Variants in CDH18 observed in about 807,000 individuals in gnomAD.
CDH18 encodes cadherin 18.
Under a neutral mutation model 67.9 loss-of-function variants are expected in CDH18, and 31 were observed. That is an observed-to-expected ratio of 0.46 (90% CI 0.34 to 0.62). CDH18 has a LOEUF of 0.62. Ranked by LOEUF, CDH18 falls within the 20% of genes least tolerant of loss-of-function variation. The pLI is 0.01. For synonymous variants in CDH18, 362 were observed against 347.2 expected, an observed-to-expected ratio of 1.04 and a Z score of -0.48; for missense variants, 890 against 975.5, an observed-to-expected ratio of 0.91 and a Z score of 1.17.
intron 2 of CDH18, among the ~76,000 whole-genome samples, chr5:19,959,587 T>C (rs1316226836): frequency 6.6e-6 from 1 of 152,122 alleles, no homozygotes; most frequent in Non-Finnish European, 1.5e-5. Flanking sequence ...ATAATTTAGA[T>C]TATCTCTAAT....
At chr5:19,768,876 T>A (rs543521924) in intron 3 of CDH18, among the ~76,000 whole-genome samples, 64 of 151,954 alleles carry the variant, frequency 4.2e-4, no homozygotes, top group Non-Finnish European at 8.2e-4. Flanking sequence ...ATAAACATTA[T>A]AAGACACAAC....
chr5:19,723,079 AT>A (rs916729167), intron 4 of CDH18, among the ~76,000 whole-genome samples: 4 of 151,202 alleles, frequency 2.6e-5, no homozygotes, highest in African/African-American at 7.3e-5. Flanking sequence ...CACACACAAA[AT>A]TTTTTTTTGG....
chr5:19,955,572 A>C (rs146066037), intron 2 of CDH18, among the ~76,000 whole-genome samples: 68 of 152,260 alleles, frequency 4.5e-4, no homozygotes, highest in African/African-American at 1.5e-3. Context: ...TGCTGCTCCT[A>C]GTTTTAACTA....
chr5:20,354,952 C>G (rs1741488725), intron 1 of CDH18, among the ~76,000 whole-genome samples: 1 of 152,156 alleles, frequency 6.6e-6, no homozygotes, highest in South Asian at 2.1e-4. Context: ...AAGACAATAT[C>G]TGACCAGGAC....
In CDH18 at chr5:20,163,619, T is replaced by C. The variant is rs566395712; in HGVS notation, c.-518+91825A>G. Among the ~76,000 whole-genome samples, 4 of 152,366 alleles carry C rather than the reference T, an allele frequency of 2.6e-5. No homozygotes were observed. In the South Asian group the frequency reaches 8.3e-4, roughly 32 times the overall value. On this transcript the variant is annotated intron_variant, in intron 2 of 14. Coordinates refer to the CDH18 transcript ENST00000507958. The stretch of plus-strand genomic sequence containing the variant: ...ACCATCTCTAGTTTCTTATCTTTCA[T>C]GATCTCTCAGCAGCCAATGTGCATT...
chr5:20,493,340 C>T (rs1753699821), intron 1 of CDH18, among the ~76,000 whole-genome samples: 1 of 96,984 alleles, frequency 1.0e-5, no homozygotes, highest in Non-Finnish European at 1.9e-5. Flanking sequence ...CAGGGCAAGA[C>T]TCTGTTTCAG....
chr5:19,652,752 C>G (rs1011503026), intron 5 of CDH18, among the ~76,000 whole-genome samples: 1 of 151,958 alleles, frequency 6.6e-6, no homozygotes, highest in Non-Finnish European at 1.5e-5. Context: ...ATTGCAGAAC[C>G]CTGAGACCAC....
chr5:19,626,285 A>C (rs771674596), intron 5 of CDH18, among the ~76,000 whole-genome samples: 1 of 152,202 alleles, frequency 6.6e-6, no homozygotes, highest in African/African-American at 2.4e-5. Context: ...GCAAAATCAC[A>C]AGTGTTGACT....
intron 5 of CDH18, among the ~76,000 whole-genome samples, chr5:19,689,718 C>T (rs1322207244): frequency 4.0e-5 from 6 of 151,698 alleles, no homozygotes; most frequent in Non-Finnish European, 7.4e-5. Flanking sequence ...AAAAGATATG[C>T]AAAACAAACA....
chr5:20,216,413 A>G (rs984403772), intron 2 of CDH18, among the ~76,000 whole-genome samples: 1 of 151,944 alleles, frequency 6.6e-6, no homozygotes, highest in Non-Finnish European at 1.5e-5. Flanking sequence ...TAAAAATATT[A>G]CTGTTGCTTC....
At chr5:19,557,468 G>A (rs571716168) in intron 8 of CDH18, among the ~76,000 whole-genome samples, 4 of 151,934 alleles carry the variant, frequency 2.6e-5, no homozygotes, top group Admixed American at 6.6e-5. Flanking sequence ...GACACCAAAG[G>A]CAAGCAGGAG....
intron 1 of CDH18, among the ~76,000 whole-genome samples, chr5:20,407,097 C>T (rs1746333749): frequency 1.3e-5 from 2 of 152,106 alleles, no homozygotes; most frequent in South Asian, 4.1e-4. Context: ...ACACTAGACC[C>T]CCAGGTATTT....
chr5:20,297,794 T>C (rs1305865305), intron 1 of CDH18, among the ~76,000 whole-genome samples: 1 of 152,194 alleles, frequency 6.6e-6, no homozygotes, highest in Non-Finnish European at 1.5e-5. Context: ...CCCACTCTGA[T>C]GCTCTTGCTG....
At chr5:20,495,788 G>T (rs1455392556) in intron 1 of CDH18, among the ~76,000 whole-genome samples, 1 of 149,964 alleles carries the variant, frequency 6.7e-6, no homozygotes, top group Non-Finnish European at 1.5e-5. Context: ...TTTAAATATC[G>T]AGTTCTAGAA....
intron 1 of CDH18, among the ~76,000 whole-genome samples, chr5:20,565,908 C>T (rs75841082): frequency 2.0e-5 from 3 of 152,176 alleles, no homozygotes; most frequent in Non-Finnish European, 4.4e-5. Flanking sequence ...TACACCCATA[C>T]TGAAGAATTT....
At chr5:20,188,020 T>C (rs1407407608) in intron 2 of CDH18, among the ~76,000 whole-genome samples, 3 of 151,890 alleles carry the variant, frequency 2.0e-5, no homozygotes, top group Non-Finnish European at 4.4e-5. Flanking sequence ...ATAATTAACT[T>C]GCAATAAAAT....
At chr5:19,921,585 G>A (rs895540313) in intron 2 of CDH18, among the ~76,000 whole-genome samples, 5 of 149,942 alleles carry the variant, frequency 3.3e-5, no homozygotes, top group South Asian at 2.1e-4. Context: ...TCTGTAATTC[G>A]TATCAAAGTC....
chr5:20,551,612 ATC>A (rs1757638323), intron 1 of CDH18, among the ~76,000 whole-genome samples: 1 of 152,132 alleles, frequency 6.6e-6, no homozygotes, highest in Admixed American at 6.5e-5. Flanking sequence ...TCTACAGCTG[ATC>A]TCTGTTATTC....
intron 4 of CDH18, among the ~76,000 whole-genome samples, chr5:19,723,610 C>T (rs1766402850): frequency 6.6e-6 from 1 of 152,132 alleles, no homozygotes; most frequent in Admixed American, 6.5e-5. Context: ...CTGGGTCACT[C>T]ATACACTGTG....
Sources: allele counts gnomAD v4.1 joint callset (sites outside exome capture counted in the v4.1 genomes callset), GRCh38; gene constraint gnomAD v4.1.1; transcripts MANE v1.5; gene names NCBI Gene and HGNC (gene_info 2026-07-23, HGNC 2026-07-21).